The following IMMP2L variants were observed in gnomAD, a reference collection of about 807,000 sequenced individuals.
The protein encoded by IMMP2L is inner mitochondrial membrane peptidase subunit 2, also known as mitochondrial inner membrane protease subunit 2.
IMMP2L carries 18 observed loss-of-function variants against 19.3 expected under a neutral mutation model. The observed-to-expected ratio is 0.93, with a 90% CI of 0.64 to 1.38. The LOEUF is 1.38. Among genes scored for constraint, IMMP2L ranks in the 40% most tolerant of loss-of-function variants. The pLI is 0.00. For synonymous variants in IMMP2L, 76 were observed against 73.0 expected, an observed-to-expected ratio of 1.04 and a Z score of -0.21; for missense variants, 233 against 218.2, an observed-to-expected ratio of 1.07 and a Z score of -0.43.
At position 110,928,375 on chromosome 7, in the gene IMMP2L, A is replaced by G. The variant is rs980111624; in HGVS notation, c.305+35125T>C. ...TGCACACACACACACACACACACACACACACACACACACACACACACACAC... is the reference window on the plus strand; with the variant it reads ...TGCACACACACACACACACACACACGCACACACACACACACACACACACAC... On this transcript the variant is annotated intron_variant, in intron 4 of 5. Transcript: ENST00000405709. Among the ~76,000 whole-genome samples, 15 of 149,492 alleles carry G rather than the reference A, an allele frequency of 1.0e-4. No homozygotes were observed. In the South Asian group the frequency reaches 2.4e-3, roughly 24 times the overall value.
chr7:110,832,329 G>A (rs1215958990), intron 5 of IMMP2L, among the ~76,000 whole-genome samples: 6 of 152,100 alleles, frequency 3.9e-5, no homozygotes, highest in African/African-American at 1.2e-4. Flanking sequence ...GTTTTGCACT[G>A]TACTGTCGTT....
intron 3 of IMMP2L, among the ~76,000 whole-genome samples, chr7:111,225,101 A>C (rs1812938999): frequency 1.3e-5 from 2 of 152,152 alleles, no homozygotes; most frequent in Admixed American, 6.6e-5. Context: ...TTAAAGGGAC[A>C]ACTGACAGAT....
chr7:110,989,882 T>C (rs1949329872), intron 3 of IMMP2L, among the ~76,000 whole-genome samples: 2 of 151,978 alleles, frequency 1.3e-5, no homozygotes, highest in South Asian at 4.1e-4. Flanking sequence ...GAATATATTT[T>C]TTATTTAATA....
intron 3 of IMMP2L, among the ~76,000 whole-genome samples, chr7:111,406,546 C>T (rs781303802): frequency 2.0e-5 from 3 of 152,050 alleles, no homozygotes; most frequent in Non-Finnish European, 4.4e-5. Flanking sequence ...CTCCCTCTTA[C>T]TGACTCTGGT....
intron 4 of IMMP2L, among the ~76,000 whole-genome samples, chr7:110,893,413 A>T (rs1811011768): frequency 6.6e-6 from 1 of 152,202 alleles, no homozygotes; most frequent in Non-Finnish European, 1.5e-5. Flanking sequence ...CTGGCTTCTT[A>T]CTTTAGTCTA....
chr7:111,387,248 G>T (rs2131290681), intron 3 of IMMP2L, among the ~76,000 whole-genome samples: 1 of 152,166 alleles, frequency 6.6e-6, no homozygotes, highest in South Asian at 2.1e-4. Context: ...GCACAGAAAA[G>T]GCTTTTAACT....
chr7:111,189,620 A>G (rs943597787), intron 3 of IMMP2L, among the ~76,000 whole-genome samples: 2 of 152,148 alleles, frequency 1.3e-5, no homozygotes, highest in Non-Finnish European at 2.9e-5. Context: ...TACTGAAGAA[A>G]CTATGGCATT....
At chr7:111,554,634 A>C (rs1242337918) in intron 1 of IMMP2L, among the ~76,000 whole-genome samples, 1 of 151,606 alleles carries the variant, frequency 6.6e-6, no homozygotes, top group Non-Finnish European at 1.5e-5. Flanking sequence ...TATTATTATT[A>C]TTATTTGAGA....
At chr7:111,484,427 C>A (rs1380548528) in intron 3 of IMMP2L, among the ~76,000 whole-genome samples, 1 of 152,038 alleles carries the variant, frequency 6.6e-6, no homozygotes, top group African/African-American at 2.4e-5. Context: ...AAAGGTTATA[C>A]TGGTTTGTTT....
rs541082499 is a variant in IMMP2L, at chr7:111,417,287, C to T, written c.239+69951G>A. 4.9e-4 allele frequency among the ~76,000 whole-genome samples: 74 copies of T among 151,860 alleles called. 1 individual carries two copies. The highest frequency in any genetic ancestry group is 7.9e-4 in the Non-Finnish European group (54 of 67,990). The stretch of plus-strand genomic sequence containing the variant: ...GCCAATGAAATATCTTTCTCCACTT[C>T]CTCTTCTTCTCCACCAATCTCCTGT... On this transcript the variant is annotated intron_variant, in intron 3 of 5. Transcript: ENST00000405709.
intron 3 of IMMP2L, among the ~76,000 whole-genome samples, chr7:110,982,040 C>G (rs1821358605): frequency 6.6e-6 from 1 of 152,120 alleles, no homozygotes; most frequent in Non-Finnish European, 1.5e-5. Flanking sequence ...GTGAAGCATA[C>G]ATTGCAAGAT....
intron 3 of IMMP2L, among the ~76,000 whole-genome samples, chr7:111,027,341 G>A (rs1585829465): frequency 6.6e-6 from 1 of 152,022 alleles, no homozygotes; most frequent in East Asian, 1.9e-4. Context: ...TAATATTAGT[G>A]ATGTTATATA....
chr7:111,530,699 GA>G (rs1377152407), intron 1 of IMMP2L, among the ~76,000 whole-genome samples: 12 of 149,204 alleles, frequency 8.0e-5, no homozygotes, highest in South Asian at 2.1e-4. Flanking sequence ...AGGCTAAAAA[GA>G]AAAAAAAAGG....
At chr7:111,215,890 A>G (rs1300522019) in intron 3 of IMMP2L, among the ~76,000 whole-genome samples, 2 of 152,064 alleles carry the variant, frequency 1.3e-5, no homozygotes, top group Non-Finnish European at 2.9e-5. Flanking sequence ...TTTGTATTTA[A>G]TCTTCACATT....
intron 3 of IMMP2L, among the ~76,000 whole-genome samples, chr7:111,242,599 G>C (rs1815228009): frequency 6.6e-6 from 1 of 151,948 alleles, no homozygotes; most frequent in Non-Finnish European, 1.5e-5. Flanking sequence ...TTCACCTAGT[G>C]AGCTATTCAT....
intron 3 of IMMP2L, among the ~76,000 whole-genome samples, chr7:111,117,260 C>CT (rs1799997684): frequency 6.6e-6 from 1 of 152,002 alleles, no homozygotes; most frequent in Admixed American, 6.5e-5. Context: ...TGGAAAAAAT[C>CT]TTTGATGTTC....
intron 5 of IMMP2L, among the ~76,000 whole-genome samples, chr7:110,776,264 G>A (rs1309094891): frequency 2.0e-5 from 3 of 151,976 alleles, no homozygotes; most frequent in African/African-American, 7.2e-5. Flanking sequence ...CATTATTTCT[G>A]TACAACAGGG....
At chr7:110,782,758 A>G (rs1191781388) in intron 5 of IMMP2L, among the ~76,000 whole-genome samples, 1 of 151,924 alleles carries the variant, frequency 6.6e-6, no homozygotes, top group African/African-American at 2.4e-5. Flanking sequence ...CTTTGCTTAG[A>G]GGTCAATTAA....
At chr7:110,853,867 A>G (rs933019177) in intron 5 of IMMP2L, among the ~76,000 whole-genome samples, 2 of 152,010 alleles carry the variant, frequency 1.3e-5, no homozygotes, top group African/African-American at 2.4e-5. Flanking sequence ...TGGAAAACCT[A>G]TAGTTCATTG....
Sources: gnomAD v4.1 joint callset for allele counts (sites outside exome capture counted in the v4.1 genomes callset) on GRCh38, gnomAD v4.1.1 for gene constraint, MANE v1.5 for transcripts, NCBI Gene and HGNC (gene_info 2026-07-23, HGNC 2026-07-21) for gene names.